NRG1: variants seen among roughly 807,000 people sequenced by gnomAD.
NRG1 encodes the protein neuregulin 1.
NRG1 carries 18 observed loss-of-function variants against 63.8 expected under a neutral mutation model. That is an observed-to-expected ratio of 0.28 (90% confidence interval 0.19 to 0.42). NRG1 has a LOEUF of 0.42. Ranked by LOEUF, NRG1 falls within the 10% of genes least tolerant of loss-of-function variation. NRG1 has a pLI of 1.00. For missense variants in NRG1, 762 were observed against 814.7 expected (o/e 0.94, Z 0.79); for synonymous variants, 302 against 301.3 (o/e 1.00, Z -0.02).
chr8:31,699,300 A>G (rs1275528522), intron 1 of NRG1, among the ~76,000 whole-genome samples: 1 of 152,180 alleles, frequency 6.6e-6, no homozygotes, highest in Non-Finnish European at 1.5e-5. Context: ...TTAGAAGCCC[A>G]GGTAACACTT....
intron 1 of NRG1, among the ~76,000 whole-genome samples, chr8:31,644,465 G>A (rs1394988734): frequency 6.6e-6 from 1 of 152,146 alleles, no homozygotes; most frequent in African/African-American, 2.4e-5. Flanking sequence ...CTAGGGGATC[G>A]TTCTTGTTGT....
chr8:32,442,781 G>C (rs1409646200), intron 1 of NRG1: 2 of 152,158 alleles, frequency 1.3e-5, no homozygotes, highest in Admixed American at 1.3e-4. Flanking sequence ...GTTTTTCAGA[G>C]TACTGTCAAG....
At chr8:32,548,025 C>G (rs983546211), upstream of NRG1, among the ~76,000 whole-genome samples, 1 of 152,112 alleles carries the variant, frequency 6.6e-6, no homozygotes, top group Non-Finnish European at 1.5e-5. Flanking sequence ...CTCCGGGGCG[C>G]TGGCCTCGGT....
intron 1 of NRG1, among the ~76,000 whole-genome samples, chr8:32,126,735 A>G (rs766790676): frequency 6.6e-6 from 1 of 151,906 alleles, no homozygotes; most frequent in Admixed American, 6.6e-5. Context: ...TTTCCATCAC[A>G]CTGATTGTTG....
At chr8:32,605,666 C>T in exon 3 of NRG1, 1 of 1,613,152 alleles carries the variant, frequency 6.2e-7, no homozygotes, top group Non-Finnish European at 8.5e-7. Context: ...GCCAATATCA[C>T]CATCGTGGAA....
chr8:31,844,800 T>C (rs1826520205), intron 1 of NRG1, among the ~76,000 whole-genome samples: 1 of 150,062 alleles, frequency 6.7e-6, no homozygotes, highest in African/African-American at 2.4e-5. Flanking sequence ...TTTTTTTTTT[T>C]CCTTTTCCTT....
intron 1 of NRG1, among the ~76,000 whole-genome samples, chr8:32,155,458 C>CAT (rs748746652): frequency 2.2e-4 from 33 of 151,382 alleles, no homozygotes; most frequent in Middle Eastern, 3.4e-3. Context: ...ATTTTCCCAG[C>CAT]ATATATATAT....
rs547423676 is a variant in NRG1 at position 31,701,761 on chromosome 8, GA to G, written c.37+62338del. On this transcript the variant is annotated intron_variant, in intron 1 of 10. Coordinates refer to the NRG1 transcript ENST00000519301. ...TATTCCAACATAACAGAAAAAGAAG[GA>G]AAAAAAATCAATACAAAACAACCAT... is the stretch of plus-strand genomic sequence containing the variant. Among the ~76,000 whole-genome samples, 212 of 151,800 alleles carry G rather than the reference GA, an allele frequency of 1.4e-3. 1 individual carries two copies. Among genetic ancestry groups the G allele is most frequent in the African/African-American group, 4.9e-3 (201 of 41,408 alleles).
At chr8:31,912,382 G>A (rs1833017441) in intron 1 of NRG1, among the ~76,000 whole-genome samples, 1 of 152,026 alleles carries the variant, frequency 6.6e-6, no homozygotes, top group African/African-American at 2.4e-5. Flanking sequence ...CACAGGAGCA[G>A]ATGTAAGTGC....
intron 1 of NRG1, among the ~76,000 whole-genome samples, chr8:31,822,807 G>A (rs1824131503): frequency 6.6e-6 from 1 of 152,128 alleles, no homozygotes; most frequent in African/African-American, 2.4e-5. Context: ...ACAGTCTCAG[G>A]AGACAAATAA....
intron 5 of NRG1, among the ~76,000 whole-genome samples, chr8:32,663,014 A>T (rs952567304): frequency 6.6e-6 from 1 of 152,224 alleles, no homozygotes; most frequent in Non-Finnish European, 1.5e-5. Context: ...GAAATTGAGG[A>T]TGTCTGCCTA....
At chr8:32,670,388 C>T (rs1222413650) in intron 5 of NRG1, among the ~76,000 whole-genome samples, 1 of 152,154 alleles carries the variant, frequency 6.6e-6, no homozygotes, top group Non-Finnish European at 1.5e-5. Flanking sequence ...GGCTGCCTTT[C>T]TCTTCTTCAT....
chr8:31,957,358 A>T (rs956249203), intron 1 of NRG1, among the ~76,000 whole-genome samples: 2 of 152,180 alleles, frequency 1.3e-5, no homozygotes, highest in Admixed American at 6.5e-5. Flanking sequence ...AATGCAGTCC[A>T]GAAAAATATG....
chr8:32,274,232 C>A (rs1222063906), intron 1 of NRG1, among the ~76,000 whole-genome samples: 1 of 152,210 alleles, frequency 6.6e-6, no homozygotes, highest in Admixed American at 6.5e-5. Flanking sequence ...AGTTATGTTA[C>A]ATGCAACTCC....
At chr8:31,801,059 G>T (rs1821738041) in intron 1 of NRG1, among the ~76,000 whole-genome samples, 1 of 151,588 alleles carries the variant, frequency 6.6e-6, no homozygotes, top group Admixed American at 6.6e-5. Context: ...GTGTTAGCCA[G>T]GATGGTCTCG....
At chr8:32,086,928 A>G (rs1828305614) in intron 1 of NRG1, among the ~76,000 whole-genome samples, 1 of 152,204 alleles carries the variant, frequency 6.6e-6, no homozygotes, top group Non-Finnish European at 1.5e-5. Flanking sequence ...AACACTTTAC[A>G]TTTTAAGTGT....
chr8:31,775,882 CAAAAAAAAAAA>C (rs71208140), intron 1 of NRG1, among the ~76,000 whole-genome samples: 46 of 72,194 alleles, frequency 6.4e-4, no homozygotes, highest in Middle Eastern at 8.2e-3. Context: ...GACTCCGTCT[CAAAAAAAAAAA>C]AAAAAAAAAA....
chr8:32,112,383 G>C (rs16878843), intron 1 of NRG1, among the ~76,000 whole-genome samples: 11 of 152,220 alleles, frequency 7.2e-5, no homozygotes, highest in African/African-American at 2.7e-4. Flanking sequence ...GAAATGAGTT[G>C]AATGCTGTTG....
chr8:32,256,264 G>A (rs56051145), intron 1 of NRG1, among the ~76,000 whole-genome samples: 17,815 of 152,166 alleles, frequency 0.12, 1,150 homozygotes, highest in East Asian at 0.28. Flanking sequence ...AGGAGAAGAG[G>A]TGTTCTGGTT....
Sources: allele counts gnomAD v4.1 joint callset (sites outside exome capture counted in the v4.1 genomes callset), GRCh38; gene constraint gnomAD v4.1.1; transcripts MANE v1.5; gene names NCBI Gene and HGNC (gene_info 2026-07-23, HGNC 2026-07-21).